Variants in CSPP1 observed in about 807,000 individuals in gnomAD.
CSPP1 encodes the protein centrosome and spindle pole-associated protein 1.
Under a neutral mutation model 164.4 loss-of-function variants are expected in CSPP1, and 126 were observed. The observed-to-expected ratio is 0.77, with a 90% CI of 0.66 to 0.89. The LOEUF is 0.89. Among genes scored for constraint, CSPP1 ranks in the 40% least tolerant of loss-of-function variants. The pLI, the probability that CSPP1 is intolerant of heterozygous loss-of-function variation, is 0.00. For missense variants in CSPP1, 1,395 were observed against 1,449.8 expected (o/e 0.96, Z 0.61); for synonymous variants, 472 against 476.7 (o/e 0.99, Z 0.13).
At chr8:67,190,252 TAAACAACTTAAACATGGCACAGC>T (rs367892560) in intron 28 of CSPP1, among the ~76,000 whole-genome samples, 1 of 152,310 alleles carries the variant, frequency 6.6e-6, no homozygotes, top group East Asian at 1.9e-4. Flanking sequence ...TAAAATGTAA[TAAACAACTTAAACATGGCACAGC>T]ATAGATGAAT....
At chr8:67,113,915 A>C in intron 11 of CSPP1, 53 bp downstream of exon 11, 1 of 1,070,714 alleles carries the variant, frequency 9.3e-7, no homozygotes, top group Non-Finnish European at 1.4e-6. Flanking sequence ...ATGATCCTCA[A>C]ATGTGGTGGC....
intron 8 of CSPP1, among the ~76,000 whole-genome samples, chr8:67,104,757 C>T (rs1455291642): frequency 1.3e-5 from 2 of 151,522 alleles, no homozygotes; most frequent in Non-Finnish European, 2.9e-5. Flanking sequence ...CCTGCCTCGG[C>T]CTCCCGAGTA....
intron 17 of CSPP1, among the ~76,000 whole-genome samples, chr8:67,148,341 GT>G (rs552501567): frequency 1.2e-4 from 19 of 152,300 alleles, no homozygotes; most frequent in Non-Finnish European, 2.5e-4. Flanking sequence ...CCATTCTATG[GT>G]TTCCAGTCTT....
At chr8:67,096,424 G>C (rs939033366) in intron 7 of CSPP1, among the ~76,000 whole-genome samples, 5 of 152,096 alleles carry the variant, frequency 3.3e-5, no homozygotes, top group Admixed American at 6.5e-5. Flanking sequence ...AATTAGCCAG[G>C]CATGGAGGTG....
rs768593524 is a variant in CSPP1, at chr8:67,103,036, G to C, written c.924-1G>C. On this transcript the variant is annotated splice_acceptor_variant, in intron 7 of 30. Transcript: ENST00000678616. LOFTEE classifies it high-confidence loss of function. The stretch of plus-strand genomic sequence containing the variant: ...GCTTTATAAGCTAATGTGTTTTTAA[G>C]GATGCACAGGAACAAACGAGGGAAT... The C allele has an allele frequency of 6.3e-7, 1 of 1,588,062 alleles. No individual in the cohort carries two copies. The highest frequency in any genetic ancestry group is 1.7e-5 in the Admixed American group (1 of 59,938).
intron 3 of CSPP1, among the ~76,000 whole-genome samples, chr8:67,083,309 G>A (rs1332554112): frequency 4.6e-5 from 7 of 151,500 alleles, no homozygotes; most frequent in African/African-American, 9.7e-5. Context: ...CAAGGTGGGC[G>A]GATCATGAGG....
intron 18 of CSPP1, among the ~76,000 whole-genome samples, chr8:67,153,115 T>C (rs1200923987): frequency 6.6e-6 from 1 of 151,784 alleles, no homozygotes; most frequent in Non-Finnish European, 1.5e-5. Flanking sequence ...AGCAGGAGAA[T>C]AGCTTGAACC....
intron 29 of CSPP1, among the ~76,000 whole-genome samples, chr8:67,192,352 G>A (rs1256464724): frequency 6.6e-6 from 1 of 152,182 alleles, no homozygotes; most frequent in Non-Finnish European, 1.5e-5. Context: ...TAGGATTACA[G>A]GCATGAGCCA....
chr8:67,166,720 T>C (rs1829373857), intron 24 of CSPP1, among the ~76,000 whole-genome samples: 1 of 152,090 alleles, frequency 6.6e-6, no homozygotes, highest in African/African-American at 2.4e-5. Flanking sequence ...TTTAATTCAG[T>C]TTAACGGTTT....
chr8:67,081,659 T>C (rs376509524), intron 3 of CSPP1, among the ~76,000 whole-genome samples: 3 of 152,258 alleles, frequency 2.0e-5, no homozygotes, highest in East Asian at 3.8e-4. Flanking sequence ...GAAATACTTA[T>C]ATTAATCATT....
chr8:67,168,267 G>A (rs973741546), intron 24 of CSPP1, among the ~76,000 whole-genome samples: 2 of 150,618 alleles, frequency 1.3e-5, no homozygotes, highest in Non-Finnish European at 3.0e-5. Flanking sequence ...GCTTCGGCTC[G>A]GCATCAGAGG....
At chr8:67,158,716 A>C in intron 20 of CSPP1, 120 bp downstream of exon 20, 1 of 1,232,358 alleles carries the variant, frequency 8.1e-7, no homozygotes. Flanking sequence ...AAAATATCAG[A>C]TCAATATACA....
chr8:67,142,191 C>A (rs1295756264), intron 17 of CSPP1, among the ~76,000 whole-genome samples: 1 of 151,916 alleles, frequency 6.6e-6, no homozygotes, highest in East Asian at 1.9e-4. Flanking sequence ...TATTAAAGTT[C>A]TTTATTCAGG....
At chr8:67,078,962 A>G (rs1043608445) in intron 3 of CSPP1, among the ~76,000 whole-genome samples, 4 of 151,820 alleles carry the variant, frequency 2.6e-5, no homozygotes, top group African/African-American at 7.3e-5. Context: ...ACAGAGAGAG[A>G]CTCCATCTCA....
chr8:67,150,763 A>T (rs1041938958), intron 18 of CSPP1, among the ~76,000 whole-genome samples: 2 of 152,176 alleles, frequency 1.3e-5, no homozygotes, highest in East Asian at 3.8e-4. Flanking sequence ...CTGAAAGATG[A>T]AAATTATTCA....
intron 7 of CSPP1, among the ~76,000 whole-genome samples, chr8:67,096,582 T>C (rs1329533752): frequency 1.4e-5 from 2 of 144,722 alleles, no homozygotes; most frequent in Non-Finnish European, 3.0e-5. Context: ...AAAAAAAGTG[T>C]GGCTGGGGGT....
chr8:67,068,066 C>A (rs527644490), intron 1 of CSPP1, among the ~76,000 whole-genome samples: 4 of 152,226 alleles, frequency 2.6e-5, no homozygotes, highest in African/African-American at 9.6e-5. Flanking sequence ...CCAGACTGGT[C>A]TCAAACTCCT....
intron 22 of CSPP1, 48 bp downstream of exon 22, chr8:67,161,963 A>AT: frequency 1.6e-6 from 2 of 1,228,382 alleles, no homozygotes; most frequent in Non-Finnish European, 2.4e-6. Context: ...GTTATTTTGG[A>AT]TTGGGGGATC....
At chr8:67,089,307 T>A (rs1261157936) in intron 4 of CSPP1, among the ~76,000 whole-genome samples, 2 of 152,166 alleles carry the variant, frequency 1.3e-5, no homozygotes, top group Admixed American at 1.3e-4. Context: ...AGAAAAGACA[T>A]GTTCTCAGGG....
Sources: gnomAD v4.1 joint callset for allele counts (sites outside exome capture counted in the v4.1 genomes callset) on GRCh38, gnomAD v4.1.1 for gene constraint, MANE v1.5 for transcripts, NCBI Gene and HGNC (gene_info 2026-07-23, HGNC 2026-07-21) for gene names.